Variants in CENPE observed in about 807,000 individuals in gnomAD.
CENPE encodes centromere protein E.
A neutral mutation model predicts 336.1 loss-of-function variants in CENPE; 145 were observed. The observed-to-expected ratio is 0.43, with a 90% confidence interval of 0.38 to 0.50. The LOEUF (loss-of-function observed/expected upper bound fraction) is 0.50. CENPE is among the 20% of genes least tolerant of loss of function. The probability of loss-of-function intolerance (pLI) is 0.00; values close to 1 mark genes in which losing one functional copy is unlikely to be tolerated. For missense variants in CENPE, 2,719 were observed against 3,023.3 expected (o/e 0.90, Z 2.36); for synonymous variants, 1,013 against 984.8 (o/e 1.03, Z -0.54).
intron 8 of CENPE, among the ~76,000 whole-genome samples, chr4:103,190,717 C>A (rs1757232834): frequency 6.6e-6 from 1 of 152,142 alleles, no homozygotes. Context: ...CAATACCATT[C>A]AGGACATAGG....
chr4:103,183,244 T>C lies in CENPE; in HGVS notation c.790A>G (p.Ile264Val), dbSNP rs766488653. 9 of 1,613,246 alleles carry C rather than the reference T, an allele frequency of 5.6e-6. No individual in the cohort carries two copies. In the South Asian group the frequency reaches 6.6e-5, roughly 12 times the overall value. ...AGTTTCTTGATCACTTGTCCCAAAA[T>C]AAATAAGCTTCGATTTATATTACAG... ...EGCNINRSLF[I>V]LGQVIKKLSD... The change falls in exon 10 of 49, where the codon ATT becomes GTT. Residue 264 changes from isoleucine to valine, a missense_variant. This residue lies in a region of CENPE where 117 missense variants were observed against 215.8 expected (regional missense o/e 0.54). Coordinates refer to ENST00000265148, the MANE Select transcript of CENPE (RefSeq NM_001813.3).
Position 103,141,734 on chromosome 4 carries a change from C to T in CENPE, c.5463+16G>A, listed in dbSNP as rs1056136901. On this transcript the variant is annotated intron_variant, in intron 35 of 48. Transcript: ENST00000265148. ...CAAATTAGATATCCAATCAAACAAT[C>T]CCCCCATAAAAATACCTTTTCTTGT... The T allele has an allele frequency of 2.0e-6, 3 of 1,486,436 alleles. No homozygotes were observed. Among genetic ancestry groups the T allele is most frequent in the Non-Finnish European group, 1.8e-6 (2 of 1,086,178 alleles). The allele number at this position is 1,486,436 out of a possible 1,614,324, so 92.1% of individuals were successfully genotyped here.
chr4:103,196,348 C>T (rs1379041774), intron 2 of CENPE, 96 bp from the exon 3 acceptor site: 3 of 945,742 alleles, frequency 3.2e-6, no homozygotes, highest in Non-Finnish European at 4.9e-6. Context: ...AAAAGTAAAA[C>T]TGTCAGAATG....
At chr4:103,166,980 C>T (rs1754978495) in intron 16 of CENPE, among the ~76,000 whole-genome samples, 1 of 152,044 alleles carries the variant, frequency 6.6e-6, no homozygotes, top group Non-Finnish European at 1.5e-5. Flanking sequence ...TAACGTGTAG[C>T]CTAATATTTT....
chr4:103,111,981 C>A (rs11724466), intron 46 of CENPE, among the ~76,000 whole-genome samples: 22,173 of 151,112 alleles, frequency 0.15, 1,915 homozygotes, highest in South Asian at 0.3. Context: ...CGTGTGTGTG[C>A]GTGTGCATGT....
intron 13 of CENPE, among the ~76,000 whole-genome samples, chr4:103,177,713 C>A (rs984953024): frequency 6.6e-6 from 1 of 151,840 alleles, no homozygotes; most frequent in Non-Finnish European, 1.5e-5. Flanking sequence ...CGTCACATTG[C>A]CTCTTAAGAT....
chr4:103,147,664 A>G lies in CENPE; in HGVS notation c.3844-18T>C. Reference sequence around the variant, plus strand: ...ACTGGGATCTTAGGACATTCATAAAATACCAAGGTTACTATCAGGAGATTA... The same window carrying G: ...ACTGGGATCTTAGGACATTCATAAAGTACCAAGGTTACTATCAGGAGATTA... On this transcript the variant is annotated intron_variant, in intron 28 of 48. Transcript: ENST00000265148. The G allele has an allele frequency of 2.5e-6, 4 of 1,586,916 alleles. No individual in the cohort carries two copies. Among genetic ancestry groups the G allele is most frequent in the Non-Finnish European group, 3.4e-6 (4 of 1,171,124 alleles).
intron 9 of CENPE, among the ~76,000 whole-genome samples, chr4:103,185,202 G>A (rs551320704): frequency 6.6e-6 from 1 of 152,092 alleles, no homozygotes; most frequent in South Asian, 2.1e-4. Flanking sequence ...CTACTTGGGA[G>A]GCTGAGGCAT....
At chr4:103,144,979 A>C in intron 32 of CENPE, 71 bp downstream of exon 32, 1 of 1,341,510 alleles carries the variant, frequency 7.5e-7, no homozygotes, top group South Asian at 1.8e-5. Context: ...AAAACTTAAC[A>C]TGAACACCGT....
chr4:103,141,848 T>C lies in CENPE; in HGVS notation c.5365A>G (p.Thr1789Ala), dbSNP rs768750148. The C allele has an allele frequency of 6.2e-7, 1 of 1,602,264 alleles. No homozygotes were observed. Among genetic ancestry groups the C allele is most frequent in the South Asian group, 1.1e-5 (1 of 89,854 alleles). Reference sequence around the variant, plus strand: ...ACAATTCCTCTGAGTTTGTCAATAGTTTCCTGCTGCTCTTTCAGATGCATG... The same window carrying C: ...ACAATTCCTCTGAGTTTGTCAATAGCTTCCTGCTGCTCTTTCAGATGCATG... The part of the protein sequence containing the change: ...AHMHLKEQQE[T>A]IDKLRGIVSE... The change falls in exon 35 of 49, where the codon ACT becomes GCT. Residue 1789 changes from threonine (T) to alanine (A), a missense_variant. Physicochemically the swap from Thr to Ala is moderately conservative, Grantham distance 58. Transcript: ENST00000265148.
intron 24 of CENPE, among the ~76,000 whole-genome samples, chr4:103,155,139 T>C (rs946454902): frequency 6.6e-6 from 1 of 152,194 alleles, no homozygotes; most frequent in Non-Finnish European, 1.5e-5. Flanking sequence ...CAGCATATAC[T>C]TGGTAACATA....
chr4:103,141,802 A>AGTTT lies in CENPE; in HGVS notation c.5407_5410dup (p.Leu1804GlnfsTer15). On this transcript the variant is annotated frameshift_variant, in exon 35 of 49. Transcript: ENST00000265148. LOFTEE classifies it high-confidence loss of function. ...TTCTAAATCTTTTTGCATATTTGAT[A>AGTTT]GTTTATCTGTCTTCTCAGAAACAAT... 1 of 1,567,978 alleles carries AGTTT rather than the reference A, an allele frequency of 6.4e-7. No homozygotes were observed. The highest frequency in any genetic ancestry group is 8.7e-7 in the Non-Finnish European group (1 of 1,145,144).
intron 24 of CENPE, 116 bp downstream of exon 24, chr4:103,158,184 T>G: frequency 1.5e-6 from 1 of 680,762 alleles, no homozygotes; most frequent in Non-Finnish European, 2.2e-6. Flanking sequence ...AAAATTATTG[T>G]TAGTTATTAC....
intron 47 of CENPE, among the ~76,000 whole-genome samples, chr4:103,110,187 T>C (rs1029719344): frequency 2.6e-5 from 4 of 152,156 alleles, no homozygotes; most frequent in African/African-American, 4.8e-5. Context: ...CCAGTGTGTA[T>C]AGTAGAAAGA....
intron 24 of CENPE, among the ~76,000 whole-genome samples, chr4:103,154,353 T>C (rs141171449): frequency 1.5e-3 from 234 of 152,246 alleles, no homozygotes; most frequent in African/African-American, 5.4e-3. Flanking sequence ...TGATTCTTTT[T>C]AGTTTTTATC....
chr4:103,120,090 A>G (rs915147055), intron 44 of CENPE, 58 bp downstream of exon 44: 1 of 1,265,944 alleles, frequency 7.9e-7, no homozygotes, highest in Non-Finnish European at 1.1e-6. Context: ...GATTTGCTGA[A>G]TTCAATAGGT....
chr4:103,167,232 C>T (rs958610852), intron 16 of CENPE, among the ~76,000 whole-genome samples: 2 of 152,082 alleles, frequency 1.3e-5, no homozygotes, highest in African/African-American at 4.8e-5. Flanking sequence ...TCATACTGAT[C>T]TCAGTAGGAA....
chr4:103,124,727 G>A (rs2125875716), intron 42 of CENPE, among the ~76,000 whole-genome samples: 1 of 152,190 alleles, frequency 6.6e-6, no homozygotes. Context: ...TGTACTTTCT[G>A]CTCTCATCAT....
chr4:103,187,681 C>A (rs1756911439), intron 8 of CENPE, among the ~76,000 whole-genome samples: 1 of 152,168 alleles, frequency 6.6e-6, no homozygotes, highest in African/African-American at 2.4e-5. Flanking sequence ...CCGGTAATAG[C>A]CACTGCAAAA....
Sources: gnomAD v4.1 joint callset for allele counts (sites outside exome capture counted in the v4.1 genomes callset) on GRCh38, gnomAD v4.1.1 for gene constraint, gnomAD v4.1.1 regional missense constraint, MANE v1.5 for transcripts, NCBI Gene and HGNC (gene_info 2026-07-23, HGNC 2026-07-21) for gene names.